Variants in VCAN observed in about 807,000 individuals in gnomAD.
The protein encoded by VCAN is versican.
In VCAN, 44 loss-of-function variants were observed where a neutral mutation model predicts 245.5. The ratio of observed to expected loss-of-function variants is 0.18; its 90% CI spans 0.14 to 0.23. The LOEUF (loss-of-function observed/expected upper bound fraction) is 0.23, where lower values mean the gene tolerates loss of function less well. VCAN is among the 10% of genes least tolerant of loss of function. The probability of loss-of-function intolerance (pLI) is 1.00; values close to 1 mark genes in which losing one functional copy is unlikely to be tolerated. For missense variants in VCAN, 3,793 were observed against 4,057.9 expected (o/e 0.93, Z 1.77); for synonymous variants, 1,413 against 1,437.0 (o/e 0.98, Z 0.38).
At chr5:83,527,548 A>G (rs542515764) in intron 7 of VCAN, among the ~76,000 whole-genome samples, 1 of 152,346 alleles carries the variant, frequency 6.6e-6, no homozygotes, top group East Asian at 1.9e-4. Flanking sequence ...TTAAGAAAAT[A>G]AACGAACTTA....
At chr5:83,566,123 A>C (rs1256321797) in intron 12 of VCAN, among the ~76,000 whole-genome samples, 1 of 151,328 alleles carries the variant, frequency 6.6e-6, no homozygotes, top group Non-Finnish European at 1.5e-5. Context: ...TGCCTGGCCA[A>C]TTTTTTTTAT....
At chr5:83,513,321 A>C (rs1422037453) in intron 6 of VCAN, among the ~76,000 whole-genome samples, 1 of 152,246 alleles carries the variant, frequency 6.6e-6, no homozygotes, top group Non-Finnish European at 1.5e-5. Context: ...ACTTTGACTA[A>C]ATTTCCAATG....
chr5:83,521,448 G>A lies in VCAN; in HGVS notation c.3142G>A (p.Ala1048Thr). The change falls in exon 7 of 15, where the codon GCT (alanine) becomes ACT (threonine). Residue 1048 changes from alanine to threonine, a missense_variant. Around this residue, in one of 5 missense-constraint regions of VCAN, gnomAD observed 3,182 missense variants for 3,250.3 expected, o/e 0.98. Transcript: ENST00000265077. ...ACAGACTGCAGAGAAACCAGTTCCT[G>A]CTCTCAGTTCTACAGCTTGGACTCC... ...KEQTAEKPVP[A>T]LSSTAWTPKE... 6.2e-7 allele frequency: 1 copy of A among 1,614,132 alleles called. No homozygotes were observed. The highest frequency in any genetic ancestry group is 2.2e-5 in the East Asian group (1 of 44,874).
intron 10 of VCAN, 55 bp downstream of exon 10, chr5:83,548,139 T>C: frequency 1.4e-6 from 2 of 1,446,888 alleles, no homozygotes; most frequent in Non-Finnish European, 1.9e-6. Flanking sequence ...TTTTTAGCAA[T>C]TTTGGCCTCA....
In VCAN at chr5:83,520,736, AAC is replaced by A; in HGVS notation, c.2432_2433del (p.Thr811IlefsTer30). 1 of 1,614,178 alleles carries A rather than the reference AAC, an allele frequency of 6.2e-7. No individual in the cohort carries two copies. Among genetic ancestry groups the A allele is most frequent in the Non-Finnish European group, 8.5e-7 (1 of 1,180,014 alleles). ...AATGGTCATGGGATGAAGATAATAC[AAC>A]ATCCAAGCCTTTAGAGTCTACAGAA... is the stretch of plus-strand genomic sequence containing the variant. Reference protein sequence around the residue: ...SKWSWDEDNTTSKPLESTEPS... With the variant: ...SKWSWDEDNTXSKPLESTEPS... On this transcript the variant is annotated frameshift_variant, in exon 7 of 15. Transcript: ENST00000265077. LOFTEE classifies it high-confidence loss of function.
rs776291415 is a variant in VCAN, at chr5:83,547,964, G to A, written c.9380-7G>A. 6.3e-7 allele frequency: 1 copy of A among 1,597,982 alleles called. No homozygotes were observed. Among genetic ancestry groups the A allele is most frequent in the South Asian group, 1.1e-5 (1 of 90,778 alleles). ...GTATTTTGTGAGCTTTTACTATTTT[G>A]TTTCAGATTTTGATGAATGTCACTC... On this transcript the variant is annotated splice_region_variant and splice_polypyrimidine_tract_variant and intron_variant, in intron 9 of 14. Transcript: ENST00000265077.
At position 83,520,068 on chromosome 5, in the gene VCAN, G is replaced by A. The variant is rs952277242; in HGVS notation, c.1762G>A (p.Asp588Asn). Residue 588 changes from aspartate (D) to asparagine (N), a missense_variant, in exon 7 of 15, where the codon GAC (aspartate) becomes AAC (asparagine). Physicochemically the swap from Asp to Asn is conservative, Grantham distance 23. Coordinates refer to ENST00000265077, the MANE Select transcript of VCAN (RefSeq NM_004385.5). ...CATTACGGTGTCAAAGACTTCAGAA[G>A]ACACCATCCACACTCATTTAGAAGA... ...EVITVSKTSEDTIHTHLEDLE... is the reference protein window; with the variant it reads ...EVITVSKTSENTIHTHLEDLE... 3.7e-6 allele frequency: 6 copies of A among 1,613,970 alleles called. No individual in the cohort carries two copies. In the Admixed American group the frequency reaches 1.0e-4, roughly 27 times the overall value.
intron 1 of VCAN, among the ~76,000 whole-genome samples, chr5:83,474,438 G>T (rs1299135708): frequency 6.6e-6 from 1 of 152,208 alleles, no homozygotes; most frequent in African/African-American, 2.4e-5. Flanking sequence ...AGGCGTGCCG[G>T]GATGGAAGGG....
chr5:83,558,191 AC>A (rs569754528), intron 12 of VCAN, among the ~76,000 whole-genome samples: 6 of 152,132 alleles, frequency 3.9e-5, no homozygotes, highest in Non-Finnish European at 7.4e-5. Flanking sequence ...TTCTACAGTC[AC>A]CATCCCCTTA....
intron 4 of VCAN, 42 bp downstream of exon 4, chr5:83,493,762 A>G (rs1247784612): frequency 1.2e-6 from 2 of 1,614,108 alleles, no homozygotes; most frequent in East Asian, 2.2e-5. Flanking sequence ...TTAACTTGAG[A>G]GTGAGAAGAA....
At chr5:83,485,263 A>T (rs1744755549) in intron 2 of VCAN, among the ~76,000 whole-genome samples, 1 of 152,062 alleles carries the variant, frequency 6.6e-6, no homozygotes, top group South Asian at 2.1e-4. Flanking sequence ...TACATGGAAC[A>T]CTGTAGGCTT....
chr5:83,509,670 G>A (rs1202995372), intron 5 of VCAN, among the ~76,000 whole-genome samples: 2 of 152,208 alleles, frequency 1.3e-5, no homozygotes, highest in African/African-American at 2.4e-5. Flanking sequence ...TATTCCAGCT[G>A]TAATAACAAG....
chr5:83,513,691 G>A (rs1205843087), intron 6 of VCAN, among the ~76,000 whole-genome samples: 1 of 152,132 alleles, frequency 6.6e-6, no homozygotes, highest in Non-Finnish European at 1.5e-5. Context: ...ATCATTTTCA[G>A]GAAAACAACA....
In VCAN at chr5:83,512,363, C is replaced by A. The variant is rs199827515; in HGVS notation, c.1009C>A (p.Pro337Thr). 14 of 1,611,696 alleles carry A rather than the reference C, an allele frequency of 8.7e-6. No individual in the cohort carries two copies. The South Asian group carries it at 1.3e-4, about 15-fold the overall frequency. The change falls in exon 6 of 15, where the codon CCT becomes ACT. Residue 337 changes from proline to threonine, a missense_variant. Transcript: ENST00000265077. ...RFENQTGFPP[P>T]DSRFDAYCFK... ...TGAGAACCAGACAGGCTTCCCTCCC[C>A]CTGATAGCAGATTTGATGCCTACTG...
At chr5:83,580,228 G>A in intron 14 of VCAN, 66 bp downstream of exon 14, 2 of 1,613,678 alleles carry the variant, frequency 1.2e-6, no homozygotes, top group South Asian at 1.1e-5. Flanking sequence ...TTCATTTTAC[G>A]GCTGTGGTAT....
chr5:83,555,849 A>C (rs1365384515), intron 12 of VCAN, among the ~76,000 whole-genome samples: 4 of 152,186 alleles, frequency 2.6e-5, no homozygotes, highest in Non-Finnish European at 4.4e-5. Context: ...TCTTAAACGC[A>C]AAGTTGGGAT....
rs775083364 is a variant in VCAN at position 83,539,228 on chromosome 5, G to A, written c.6225G>A (p.Lys2075=). ...AAGGTACGAAAGCTCCAGTAGAGAA[G>A]GAGGAAGTAAAGGTCAGTGGCACAG... ...EVEGTKAPVE[K]EEVKVSGTVS... Residue 2075 remains lysine, a synonymous_variant, in exon 8 of 15, where the codon AAG becomes AAA. Transcript: ENST00000265077. 11 of 1,613,926 alleles carry A rather than the reference G, an allele frequency of 6.8e-6. No homozygotes were observed. The South Asian group carries it at 1.1e-4, about 16-fold the overall frequency.
At chr5:83,536,960 C>T in intron 7 of VCAN, 47 bp from the exon 8 acceptor site, 2 of 1,520,898 alleles carry the variant, frequency 1.3e-6, no homozygotes, top group Non-Finnish European at 1.8e-6. Flanking sequence ...CTGTCATACA[C>T]TGCCAAATTT....
chr5:83,539,580 T>C lies in VCAN; in HGVS notation c.6577T>C (p.Tyr2193His). 1.2e-6 allele frequency: 2 copies of C among 1,614,068 alleles called. No individual in the cohort carries two copies. The highest frequency in any genetic ancestry group is 1.7e-6 in the Non-Finnish European group (2 of 1,179,978). ...TCCAGATGCAAATGGCTTGGAATCT[T>C]ACACAACTCTCCCTGAAGCTACTGA... ...PDPDANGLES[Y>H]TTLPEATEKS... Residue 2193 changes from tyrosine to histidine, a missense_variant, in exon 8 of 15, where the codon TAC becomes CAC. Physicochemically the swap from Tyr to His is moderately conservative, Grantham distance 83 (BLOSUM62 2). Coordinates refer to ENST00000265077, the MANE Select transcript of VCAN (RefSeq NM_004385.5).
Sources: allele counts gnomAD v4.1 joint callset (sites outside exome capture counted in the v4.1 genomes callset), GRCh38; gene constraint gnomAD v4.1.1; regional missense constraint gnomAD v4.1.1; transcripts MANE v1.5; gene names NCBI Gene and HGNC (gene_info 2026-07-23, HGNC 2026-07-21).